The following ATG2A variants were observed in gnomAD, a reference collection of about 807,000 sequenced individuals.
ATG2A encodes autophagy-related protein 2 homolog A.
In ATG2A, 103 loss-of-function variants were observed where a neutral mutation model predicts 214.2. The ratio of observed to expected loss-of-function variants is 0.48; its 90% CI spans 0.41 to 0.57. ATG2A has a LOEUF of 0.57. Ranked by LOEUF, ATG2A falls within the 20% of genes least tolerant of loss-of-function variation. The pLI, the probability that ATG2A is intolerant of heterozygous loss-of-function variation, is 0.00. For synonymous variants in ATG2A, 1,160 were observed against 1,142.1 expected, an observed-to-expected ratio of 1.02 and a Z score of -0.32; for missense variants, 2,312 against 2,613.2, an observed-to-expected ratio of 0.88 and a Z score of 2.51.
Position 64,895,501 on chromosome 11 carries a change from G to C in ATG2A, c.5428-59C>G. On this transcript the variant is annotated intron_variant, in intron 39 of 40. Transcript: ENST00000377264. The surrounding 1 kb of genome is among the most constrained non-coding windows in gnomAD (Gnocchi z 5.0). ...TGGCTGGGGCACACGTCAGCCCCAG[G>C]CCCCCAGGACAGTCTGAGACCCCAC... 1.4e-6 allele frequency: 2 copies of C among 1,470,498 alleles called. No individual in the cohort carries two copies. 91.1% of individuals were successfully genotyped at this position (1,470,498 alleles called of 1,614,324 possible).
Position 64,898,972 on chromosome 11 carries a change from G to T in ATG2A, c.4465-130C>A. ...TCTGTCGCCCAGGTTGGAGTGCAGT[G>T]GCGTGATCTCGGCTCACTGCAACCT... On this transcript the variant is annotated intron_variant, in intron 31 of 40. Coordinates refer to ENST00000377264, the MANE Select transcript of ATG2A (RefSeq NM_015104.3). This position sits in a 1 kb window ranked among gnomAD's most constrained non-coding sequence, Gnocchi z 4.5. 1 of 844,494 alleles carries T rather than the reference G, an allele frequency of 1.2e-6. No homozygotes were observed. Among genetic ancestry groups the T allele is most frequent in the South Asian group, 1.7e-5 (1 of 59,216 alleles). 52.3% of individuals were successfully genotyped at this position (844,494 alleles called of 1,614,324 possible). A position where few individuals can be genotyped will look rare whatever the true frequency, so the allele number is the denominator to read the frequency against.
rs775420347 is a variant in ATG2A, at chr11:64,896,479, A to G, written c.5410T>C (p.Leu1804=). 40 of 1,613,064 alleles carry G rather than the reference A, an allele frequency of 2.5e-5. No homozygotes were observed. The highest frequency in any genetic ancestry group is 3.1e-5 in the Non-Finnish European group (37 of 1,179,612). Residue 1804 remains leucine, a synonymous_variant, in exon 39 of 41, where the codon TTG becomes CTG. Transcript: ENST00000377264. ...ASAALELSNR[L]VQAIQATAET... is the part of the protein sequence containing the mutation. ...CCACTCACCTGGATAGCCTGTACCA[A>G]CCGGTTGCTGAGTTCCAGGGCGGCA...
chr11:64,914,335 C>A lies in ATG2A; in HGVS notation c.334+3G>T. The A allele has an allele frequency of 6.3e-7, 1 of 1,597,164 alleles. No individual in the cohort carries two copies. The highest frequency in any genetic ancestry group is 8.5e-7 in the Non-Finnish European group (1 of 1,172,758). On this transcript the variant is annotated splice_donor_region_variant and intron_variant, in intron 2 of 40. Coordinates refer to ENST00000377264, the MANE Select transcript of ATG2A (RefSeq NM_015104.3). Reference sequence around the variant, plus strand: ...CCTGCCCCCAGCCTCGCCCTGCCCTCACCTGGACCCCGGCGGGGCTGCAAG... The same window carrying A: ...CCTGCCCCCAGCCTCGCCCTGCCCTAACCTGGACCCCGGCGGGGCTGCAAG...
In ATG2A at chr11:64,900,571, G is replaced by A. The variant is rs1295289030; in HGVS notation, c.4387C>T (p.Arg1463Trp). 6.8e-6 allele frequency: 11 copies of A among 1,613,262 alleles called. No individual in the cohort carries two copies. The highest frequency in any genetic ancestry group is 6.7e-5 in the East Asian group (3 of 44,876). Residue 1463 changes from arginine to tryptophan, a missense_variant, in exon 31 of 41, where the codon CGG becomes TGG. Physicochemically the swap from Arg to Trp is moderately radical, Grantham distance 101 (BLOSUM62 -3). Transcript: ENST00000377264. Reference sequence around the variant, plus strand: ...TGCGTGCGCCATGAGTTCTGGGGCCGGTTGGGGCCAGAGCAGCGGGAAGGG... The same window carrying A: ...TGCGTGCGCCATGAGTTCTGGGGCCAGTTGGGGCCAGAGCAGCGGGAAGGG... ...SSPSRCSGPNRPQNSWRTQGG... is the reference protein window; with the variant it reads ...SSPSRCSGPNWPQNSWRTQGG...
chr11:64,895,011 G>A lies in ATG2A; in HGVS notation c.5779C>T (p.His1927Tyr). The A allele has an allele frequency of 6.2e-7, 1 of 1,613,000 alleles. No homozygotes were observed. Among genetic ancestry groups the A allele is most frequent in the South Asian group, 1.1e-5 (1 of 91,036 alleles). ...CTGTCCGAGCGCCACTTGAGGGCGT[G>A]GTCCTTGTGGGCGTCGGGGACAATC... ...NQIVPDAHKD[H>Y]ALKWRSDSAQ... Residue 1927 changes from histidine (H) to tyrosine (Y), a missense_variant, in exon 41 of 41, where the codon CAC becomes TAC. Transcript: ENST00000377264. This position sits in a 1 kb window ranked among gnomAD's most constrained non-coding sequence, Gnocchi z 5.0.
At chr11:64,910,307 TAAG>T (rs1240827719) in intron 12 of ATG2A, 112 bp from the exon 13 acceptor site, 11 of 1,422,304 alleles carry the variant, frequency 7.7e-6, no homozygotes, top group Non-Finnish European at 1.0e-5. Flanking sequence ...ACGAGAGCAC[TAAG>T]AAGGCCTGCC....
At position 64,912,471 on chromosome 11, in the gene ATG2A, C is replaced by T. The variant is rs754219769; in HGVS notation, c.826-48G>A. 26 of 1,465,402 alleles carry T rather than the reference C, an allele frequency of 1.8e-5. No homozygotes were observed. The South Asian group carries it at 2.9e-4, about 16-fold the overall frequency. 90.8% of individuals were successfully genotyped at this position (1,465,402 alleles called of 1,614,324 possible). ...TGGAGCCTAGGCCCACCACCCAGCT[C>T]CTCTAAGAGCTACCACCCGCCTGCC... On this transcript the variant is annotated intron_variant, in intron 6 of 40. Coordinates refer to ENST00000377264, the MANE Select transcript of ATG2A (RefSeq NM_015104.3).
At chr11:64,906,874 CTG>C in intron 19 of ATG2A, 59 bp from the exon 20 acceptor site, 1 of 1,558,692 alleles carries the variant, frequency 6.4e-7, no homozygotes, top group Non-Finnish European at 8.7e-7. Context: ...CTCAAGCCCT[CTG>C]GGGGTTGGCG....
chr11:64,907,337 G>A lies in ATG2A; in HGVS notation c.2750C>T (p.Ala917Val). 6.4e-7 allele frequency: 1 copy of A among 1,554,044 alleles called. No homozygotes were observed. Among genetic ancestry groups the A allele is most frequent in the Non-Finnish European group, 8.7e-7 (1 of 1,148,748 alleles). The change falls in exon 19 of 41, where the codon GCC becomes GTC. Residue 917 changes from alanine (A) to valine (V), a missense_variant. By Grantham distance (64) the Ala-to-Val change is moderately conservative. Transcript: ENST00000377264. ...SGGPQAAAPE[A>V]PSLHLQSTFS... ...GGTGCTCTGCAAGTGAAGACTTGGG[G>A]CCTCAGGGGCAGCGGCCTGTGGGCC... is the stretch of plus-strand genomic sequence containing the variant.
chr11:64,906,933 G>A, intron 19 of ATG2A, 118 bp from the exon 20 acceptor site: 1 of 1,250,618 alleles, frequency 8.0e-7, no homozygotes, highest in Non-Finnish European at 1.1e-6. Context: ...TTTCCACCAT[G>A]GACGCTGCTG....
intron 1 of ATG2A, among the ~76,000 whole-genome samples, chr11:64,916,018 C>T (rs1038528575): frequency 6.6e-6 from 1 of 152,188 alleles, no homozygotes; most frequent in African/African-American, 2.4e-5. Flanking sequence ...ATTAGCAGCC[C>T]CCTGAGTCCA....
chr11:64,912,426 G>A lies in ATG2A; in HGVS notation c.826-3C>T. On this transcript the variant is annotated splice_polypyrimidine_tract_variant and splice_region_variant and intron_variant, in intron 6 of 40. Transcript: ENST00000377264. ...CCCAGCTGTCCCGCCACCTCCAACT[G>A]GGGGCCAAGGAGGCAGCCATGGAGC... The A allele has an allele frequency of 1.3e-6, 2 of 1,546,676 alleles. No individual in the cohort carries two copies. The highest frequency in any genetic ancestry group is 2.4e-5 in the East Asian group (1 of 40,932).
intron 29 of ATG2A, 72 bp downstream of exon 29, chr11:64,901,890 C>A: frequency 6.4e-7 from 1 of 1,555,902 alleles, no homozygotes; most frequent in East Asian, 2.2e-5. Flanking sequence ...GGCAACCACC[C>A]CTGAGTGTTC....
rs927356013 is a variant in ATG2A, at chr11:64,911,779, C to A, written c.1228+63G>T. 1.0e-5 allele frequency: 16 copies of A among 1,594,520 alleles called. No homozygotes were observed. The Admixed American group carries it at 2.2e-4, about 22-fold the overall frequency. On this transcript the variant is annotated intron_variant, in intron 9 of 40. Coordinates refer to ENST00000377264, the MANE Select transcript of ATG2A (RefSeq NM_015104.3). ...TTTCCTGTGTGCCTCTGACAGCCCA[C>A]GGCACTAAGGCCTCTTCCAGTCCTT... is the stretch of plus-strand genomic sequence containing the variant.
At position 64,903,306 on chromosome 11, in the gene ATG2A, C is replaced by T; in HGVS notation, c.3594G>A (p.Gly1198=). 2 of 1,614,018 alleles carry T rather than the reference C, an allele frequency of 1.2e-6. No homozygotes were observed. Among genetic ancestry groups the T allele is most frequent in the Non-Finnish European group, 1.7e-6 (2 of 1,179,980 alleles). Residue 1198 remains glycine (G), a synonymous_variant, in exon 26 of 41, where the codon GGG becomes GGA. Transcript: ENST00000377264. This position sits in a 1 kb window ranked among gnomAD's most constrained non-coding sequence, Gnocchi z 4.2. The stretch of plus-strand genomic sequence containing the variant: ...CACTCACCAGTTTGCCCTCGGTGCT[C>T]CCTTTCCAGGTTTTAATCACAAGTT... The part of the protein sequence containing the change: ...LLELVIKTWK[G]STEGKLSQPL...
At position 64,908,160 on chromosome 11, in the gene ATG2A, G is replaced by A. The variant is rs1273779016; in HGVS notation, c.2365-270C>T. ...AGGCTGGGCGCGGTGGCTCACGCCT[G>A]TAATCCTAGCACTTTGGGAGAGTGA... On this transcript the variant is annotated intron_variant, in intron 16 of 40. Coordinates refer to ENST00000377264, the MANE Select transcript of ATG2A (RefSeq NM_015104.3). 2.0e-5 allele frequency among the ~76,000 whole-genome samples: 3 copies of A among 152,194 alleles called. No individual in the cohort carries two copies. The East Asian group carries it at 5.8e-4, about 29-fold the overall frequency.
At chr11:64,905,522 C>T (rs376193867) in intron 24 of ATG2A, 41 bp downstream of exon 24, 24 of 1,574,056 alleles carry the variant, frequency 1.5e-5, no homozygotes, top group Middle Eastern at 1.9e-4. Context: ...AGCTTCGGCC[C>T]GGCGAGGGTG....
At position 64,910,207 on chromosome 11, in the gene ATG2A, G is replaced by A; in HGVS notation, c.1708-12C>T. 6.3e-7 allele frequency: 1 copy of A among 1,584,822 alleles called. No homozygotes were observed. Among genetic ancestry groups the A allele is most frequent in the Non-Finnish European group, 8.6e-7 (1 of 1,166,474 alleles). ...CGCCGGGGTCGGCTCTGAGGGCGAG[G>A]GCGTTCAGGTCAGTGAGGGCTGAGT... On this transcript the variant is annotated splice_polypyrimidine_tract_variant and intron_variant, in intron 12 of 40. Coordinates refer to ENST00000377264, the MANE Select transcript of ATG2A (RefSeq NM_015104.3).
Position 64,909,911 on chromosome 11 carries a change from G to C in ATG2A, c.1877C>G (p.Pro626Arg). ...PPAGLLTEPLPAMEQQTVFRL... is the reference protein window; with the variant it reads ...PPAGLLTEPLRAMEQQTVFRL... ...AAATACCGTCTGCTGCTCCATCGCC[G>C]GCAGGGGCTCTGTCTGCAGGAGGAT... The change falls in exon 14 of 41, where the codon CCG becomes CGG. Residue 626 changes from proline to arginine, a missense_variant. Physicochemically the swap from Pro to Arg is moderately radical, Grantham distance 103 (BLOSUM62 -2). Coordinates refer to ENST00000377264, the MANE Select transcript of ATG2A (RefSeq NM_015104.3). 6.2e-7 allele frequency: 1 copy of C among 1,602,364 alleles called. No individual in the cohort carries two copies. Among genetic ancestry groups the C allele is most frequent in the African/African-American group, 1.3e-5 (1 of 74,878 alleles).
Sources: gnomAD v4.1 joint callset for allele counts (sites outside exome capture counted in the v4.1 genomes callset) on GRCh38, gnomAD v4.1.1 for gene constraint, Gnocchi (gnomAD v3.1) non-coding constraint, MANE v1.5 for transcripts, NCBI Gene and HGNC (gene_info 2026-07-23, HGNC 2026-07-21) for gene names.